Variants in DNM3 observed in about 807,000 individuals in gnomAD.
DNM3 encodes dynamin 3.
In DNM3, 47 loss-of-function variants were observed where a neutral mutation model predicts 101.6. That is an observed-to-expected ratio of 0.46 (90% CI 0.37 to 0.59). The LOEUF is 0.59. Ranked by LOEUF, DNM3 falls within the 20% of genes least tolerant of loss-of-function variation. The pLI, the probability that DNM3 is intolerant of heterozygous loss-of-function variation, is 0.00. For synonymous variants in DNM3, 385 were observed against 387.9 expected (o/e 0.99, Z 0.09); for missense variants, 849 against 1,085.7 (o/e 0.78, Z 3.06).
chr1:171,999,498 A>T (rs961503473), intron 4 of DNM3, among the ~76,000 whole-genome samples: 2 of 152,038 alleles, frequency 1.3e-5, no homozygotes, highest in African/African-American at 4.8e-5. Context: ...CATATAAGAG[A>T]CTGGATCCAG....
intron 10 of DNM3, among the ~76,000 whole-genome samples, chr1:172,054,446 A>T (rs7530970): frequency 0.35 from 52,702 of 152,022 alleles, 9,991 homozygotes; most frequent in East Asian, 0.69. Context: ...CCTCCTCTTC[A>T]CCAGTGCATC....
chr1:172,392,704 T>C (rs966675735), intron 20 of DNM3, among the ~76,000 whole-genome samples: 2 of 152,210 alleles, frequency 1.3e-5, no homozygotes, highest in Admixed American at 6.5e-5. Flanking sequence ...CTAAGCTATT[T>C]TGCAATAGTC....
intron 10 of DNM3, among the ~76,000 whole-genome samples, chr1:172,052,050 C>T (rs1011976843): frequency 2.0e-5 from 3 of 152,122 alleles, no homozygotes; most frequent in South Asian, 4.1e-4. Flanking sequence ...CTGTGTTCTC[C>T]ATGATAATGA....
At chr1:172,272,951 C>T (rs1414681454) in intron 15 of DNM3, among the ~76,000 whole-genome samples, 1 of 152,004 alleles carries the variant, frequency 6.6e-6, no homozygotes, top group African/African-American at 2.4e-5. Flanking sequence ...AAAGCCCTAA[C>T]AAACAATATT....
At chr1:171,950,034 C>T (rs1490934692) in intron 2 of DNM3, among the ~76,000 whole-genome samples, 9 of 152,028 alleles carry the variant, frequency 5.9e-5, no homozygotes, top group Admixed American at 5.9e-4. Context: ...AATGGACAAA[C>T]ATATTGTGGA....
chr1:172,317,005 C>A (rs946930831), intron 16 of DNM3, among the ~76,000 whole-genome samples: 3 of 152,128 alleles, frequency 2.0e-5, no homozygotes, highest in Non-Finnish European at 2.9e-5. Flanking sequence ...CTCTCCTCAG[C>A]AAATTAAAAG....
At chr1:172,127,096 A>T (rs897325359) in intron 13 of DNM3, among the ~76,000 whole-genome samples, 5 of 152,048 alleles carry the variant, frequency 3.3e-5, no homozygotes, top group African/African-American at 1.2e-4. Context: ...TTGCCTCAAT[A>T]TCACTACCTT....
At chr1:172,061,529 T>A (rs1007795479) in intron 10 of DNM3, among the ~76,000 whole-genome samples, 2 of 151,756 alleles carry the variant, frequency 1.3e-5, no homozygotes, top group African/African-American at 4.8e-5. Flanking sequence ...TAAAAAATGA[T>A]GAGTTCGTGT....
chr1:172,179,067 A>G (rs577764285), intron 14 of DNM3, among the ~76,000 whole-genome samples: 1 of 152,078 alleles, frequency 6.6e-6, no homozygotes, highest in South Asian at 2.1e-4. Context: ...CTGGACTTAG[A>G]ATGCTGAGCT....
chr1:172,392,734 A>G (rs2069629452), intron 20 of DNM3, among the ~76,000 whole-genome samples: 1 of 152,140 alleles, frequency 6.6e-6, no homozygotes, highest in Non-Finnish European at 1.5e-5. Flanking sequence ...TAAGGGTGGG[A>G]GGAAGGGTCT....
intron 1 of DNM3, among the ~76,000 whole-genome samples, chr1:171,883,341 T>A (rs1340545764): frequency 6.8e-6 from 1 of 146,298 alleles, no homozygotes. Context: ...TGAGACTCCA[T>A]CTCTAAAAAA....
At chr1:172,181,977 G>A (rs556651445) in intron 14 of DNM3, among the ~76,000 whole-genome samples, 2 of 152,044 alleles carry the variant, frequency 1.3e-5, no homozygotes, top group African/African-American at 2.4e-5. Flanking sequence ...TCTGTTTTTG[G>A]TGGGTGTTGC....
chr1:172,157,552 A>C (rs1473719303), intron 14 of DNM3, among the ~76,000 whole-genome samples: 1 of 152,078 alleles, frequency 6.6e-6, no homozygotes, highest in East Asian at 1.9e-4. Context: ...TGACCCTCTG[A>C]ATTCCATGGG....
intron 11 of DNM3, among the ~76,000 whole-genome samples, chr1:172,076,914 C>T (rs2052701487): frequency 6.6e-6 from 1 of 152,038 alleles, no homozygotes; most frequent in Non-Finnish European, 1.5e-5. Context: ...TTGTACCTAT[C>T]ACAGAATTCA....
At position 172,158,418 on chromosome 1, in the gene DNM3, C is replaced by T. The variant is rs958558761; in HGVS notation, c.1659+27130C>T. Among the ~76,000 whole-genome samples the T allele has an allele frequency of 2.2e-4, 33 of 152,094 alleles. 1 individual carries two copies. Among genetic ancestry groups the T allele is most frequent in the East Asian group, 1.6e-3 (8 of 5,156 alleles). ...GAAGAAGCATATGAAAAAAGGAGAACATTCCTGCTAGTGGGAAGAACATGA... is the reference window on the plus strand; with the variant it reads ...GAAGAAGCATATGAAAAAAGGAGAATATTCCTGCTAGTGGGAAGAACATGA... On this transcript the variant is annotated intron_variant, in intron 14 of 20. Transcript: ENST00000627582.
chr1:172,115,103 A>G (rs1298858015), intron 13 of DNM3, among the ~76,000 whole-genome samples: 2 of 152,170 alleles, frequency 1.3e-5, no homozygotes, highest in African/African-American at 4.8e-5. Context: ...CAGTCTTTTC[A>G]TTGTCTGGGA....
rs149015246 is a variant in DNM3 at position 172,261,608 on chromosome 1, A to T, written c.1769+7926A>T. ...GCTAATGGCATCAGTGGGTCTGGCA[A>T]GTGAACAGGTTCTTAAGCCCCTGGG... On this transcript the variant is annotated intron_variant, in intron 15 of 20. Transcript: ENST00000627582. 6.6e-5 allele frequency among the ~76,000 whole-genome samples: 10 copies of T among 152,346 alleles called. No individual in the cohort carries two copies. The East Asian group carries it at 1.7e-3, about 26-fold the overall frequency.
chr1:172,290,271 A>G (rs2063854329), intron 15 of DNM3, among the ~76,000 whole-genome samples: 1 of 152,182 alleles, frequency 6.6e-6, no homozygotes, highest in African/African-American at 2.4e-5. Flanking sequence ...CGGAATAATG[A>G]AAAGAGTAAG....
chr1:172,376,443 CAAAG>C (rs1252675566), intron 17 of DNM3: 1 of 151,800 alleles, frequency 6.6e-6, no homozygotes, highest in East Asian at 1.9e-4. Flanking sequence ...ATAATTTAAA[CAAAG>C]AAAAAATATA....
Sources: gnomAD v4.1 joint callset for allele counts (sites outside exome capture counted in the v4.1 genomes callset) on GRCh38, gnomAD v4.1.1 for gene constraint, MANE v1.5 for transcripts, NCBI Gene and HGNC (gene_info 2026-07-23, HGNC 2026-07-21) for gene names.